The following TFPI variants were observed in gnomAD, a reference collection of about 807,000 sequenced individuals.
TFPI encodes anti-convertin.
In TFPI, 15 loss-of-function variants were observed where a neutral mutation model predicts 34.6. The observed-to-expected ratio is 0.43, with a 90% CI of 0.29 to 0.67. The LOEUF (loss-of-function observed/expected upper bound fraction) is 0.67. Among genes scored for constraint, TFPI ranks in the 30% least tolerant of loss-of-function variants. The probability of loss-of-function intolerance (pLI) is 0.15; values close to 1 mark genes in which losing one functional copy is unlikely to be tolerated. For missense variants in TFPI, 301 were observed against 364.0 expected, an observed-to-expected ratio of 0.83 and a Z score of 1.41; for synonymous variants, 105 against 120.1, an observed-to-expected ratio of 0.87 and a Z score of 0.82.
chr2:187,482,368 C>T (rs1423825346), intron 6 of TFPI, among the ~76,000 whole-genome samples: 1 of 151,786 alleles, frequency 6.6e-6, no homozygotes, highest in Non-Finnish European at 1.5e-5. Flanking sequence ...AAACAAAATA[C>T]GAGTGAAAAA....
chr2:187,516,040 C>G (rs571810872), intron 1 of TFPI: 1 of 152,138 alleles, frequency 6.6e-6, no homozygotes, highest in Non-Finnish European at 1.5e-5. Context: ...GGATACCAAA[C>G]CCCCATTTAT....
intron 6 of TFPI, among the ~76,000 whole-genome samples, chr2:187,471,041 G>C (rs1228467348): frequency 6.6e-6 from 1 of 152,228 alleles, no homozygotes; most frequent in Non-Finnish European, 1.5e-5. Context: ...GCAATATTTC[G>C]ATAGTGCATT....
chr2:187,521,951 A>G (rs1034897509), intron 1 of TFPI, among the ~76,000 whole-genome samples: 1 of 152,108 alleles, frequency 6.6e-6, no homozygotes, highest in Non-Finnish European at 1.5e-5. Flanking sequence ...GCATAAACTG[A>G]TATCTCATTA....
chr2:187,504,761 A>G (rs1001200311), intron 1 of TFPI, among the ~76,000 whole-genome samples: 1 of 152,130 alleles, frequency 6.6e-6, no homozygotes, highest in Non-Finnish European at 1.5e-5. Flanking sequence ...AGATCTTATC[A>G]GCAAACATTC....
intron 4 of TFPI, among the ~76,000 whole-genome samples, chr2:187,485,384 C>T (rs1693188121): frequency 6.6e-6 from 1 of 151,706 alleles, no homozygotes; most frequent in African/African-American, 2.4e-5. Context: ...TTGAGGGTGG[C>T]TTCTCAGGAA....
intron 1 of TFPI, among the ~76,000 whole-genome samples, chr2:187,542,744 G>C (rs1688650038): frequency 6.6e-6 from 1 of 151,770 alleles, no homozygotes; most frequent in African/African-American, 2.4e-5. Flanking sequence ...GCGTGTGCCT[G>C]TAAACCCAGG....
chr2:187,496,017 A>G (rs1253381581), intron 3 of TFPI, among the ~76,000 whole-genome samples: 1 of 152,184 alleles, frequency 6.6e-6, no homozygotes, highest in Non-Finnish European at 1.5e-5. Context: ...CATACAATAA[A>G]GTAATTAGCA....
At chr2:187,550,046 T>G (rs1236012662) in intron 1 of TFPI, among the ~76,000 whole-genome samples, 1 of 152,058 alleles carries the variant, frequency 6.6e-6, no homozygotes, top group Non-Finnish European at 1.5e-5. Flanking sequence ...GGAGGAACTC[T>G]ACAAGAACCC....
In TFPI at chr2:187,554,394, G is replaced by GT. The variant is rs1689198591; in HGVS notation, c.-198dup. The GT allele has an allele frequency of 6.6e-6, 1 of 152,166 alleles. No homozygotes were observed. The allele number at this position is 152,166 out of a possible 1,614,324, so 9.4% of individuals were successfully genotyped here. On this transcript the variant is annotated 5_prime_UTR_variant, in exon 1 of 8. Transcript: ENST00000233156. ...ATCTTACTAGCAGTGAAAGAGCGAG[G>GT]TAAGAATTTGACTATTATCCAGCCT... is the stretch of plus-strand genomic sequence containing the variant.
intron 6 of TFPI, among the ~76,000 whole-genome samples, chr2:187,476,482 A>G (rs1303782625): frequency 6.6e-6 from 1 of 151,962 alleles, no homozygotes; most frequent in Non-Finnish European, 1.5e-5. Context: ...TGGGTCTACG[A>G]TCACAGGCCA....
chr2:187,539,159 C>CTTAA lies in TFPI; in HGVS notation c.-3+15040_-3+15041insTTAA, dbSNP rs566111368. ...AATTGTTCATATGGATTTCAATAAACATTAAGGGGCTGCTACTGTGGACAG... is the reference window on the plus strand; with the variant it reads ...AATTGTTCATATGGATTTCAATAAACTTAAATTAAGGGGCTGCTACTGTGGACAG... On this transcript the variant is annotated intron_variant, in intron 1 of 7. Transcript: ENST00000233156. 9.9e-5 allele frequency among the ~76,000 whole-genome samples: 15 copies of CTTAA among 151,882 alleles called. No individual in the cohort carries two copies. The South Asian group carries it at 1.5e-3, about 15-fold the overall frequency.
chr2:187,551,816 A>C (rs568260676), intron 1 of TFPI, among the ~76,000 whole-genome samples: 2 of 152,120 alleles, frequency 1.3e-5, no homozygotes, highest in African/African-American at 4.8e-5. Context: ...CTTTGACACT[A>C]ATGCATGAAA....
rs113825149 is a variant in TFPI, at chr2:187,540,831, T to A, written c.-3+13369A>T. Among the ~76,000 whole-genome samples the A allele has an allele frequency of 8.8e-3, 1,247 of 142,210 alleles. 13 individuals carry two copies. The highest frequency in any genetic ancestry group is 0.032 in the African/African-American group (1,209 of 37,918). The allele number at this position is 142,210 out of a possible 152,430, so 93.3% of individuals were successfully genotyped here. Reference sequence around the variant, plus strand: ...ATTTGATCCCAGGAGGTGGAGGTTGTAGTGAGCTGAGATTGTGTCACTGCA... The same window carrying A: ...ATTTGATCCCAGGAGGTGGAGGTTGAAGTGAGCTGAGATTGTGTCACTGCA... On this transcript the variant is annotated intron_variant, in intron 1 of 7. Transcript: ENST00000233156.
Position 187,484,667 on chromosome 2 carries a change from T to C in TFPI, c.535+144A>G, listed in dbSNP as rs1693127273. 3 of 649,352 alleles carry C rather than the reference T, an allele frequency of 4.6e-6. No individual in the cohort carries two copies. The East Asian group carries it at 9.9e-5, about 21-fold the overall frequency. 40.2% of individuals were successfully genotyped at this position (649,352 alleles called of 1,614,324 possible). ...TTCTGTGCTTTTTAAAAAACTACAG[T>C]CACAAATCTCACATTGAATGCACAC... On this transcript the variant is annotated intron_variant, in intron 5 of 7. Coordinates refer to ENST00000233156, the MANE Select transcript of TFPI (RefSeq NM_006287.6).
chr2:187,542,222 G>A (rs1688618431), intron 1 of TFPI, among the ~76,000 whole-genome samples: 1 of 151,958 alleles, frequency 6.6e-6, no homozygotes, highest in Non-Finnish European at 1.5e-5. Flanking sequence ...CCAGGCACAG[G>A]TGAAAAGAGT....
chr2:187,516,244 G>A (rs1419448838), intron 1 of TFPI: 1 of 152,110 alleles, frequency 6.6e-6, no homozygotes, highest in Non-Finnish European at 1.5e-5. Context: ...ATTGCTGTTT[G>A]CACATAAATG....
chr2:187,469,155 G>A (rs1051480044), intron 6 of TFPI, among the ~76,000 whole-genome samples: 2 of 151,906 alleles, frequency 1.3e-5, no homozygotes, highest in Admixed American at 6.6e-5. Flanking sequence ...ATTTAAATAA[G>A]GACTAGAGTG....
rs539537165 is a variant in TFPI, at chr2:187,525,619, T to G, written c.-2-21849A>C. On this transcript the variant is annotated intron_variant, in intron 1 of 7. Transcript: ENST00000233156. ...CCCAGTACTTCAGAATTCAACTGTA[T>G]TTGAAAACAAGGCCTCTAAAGAGGT... 2.6e-5 allele frequency among the ~76,000 whole-genome samples: 4 copies of G among 152,222 alleles called. No individual in the cohort carries two copies. The South Asian group carries it at 6.2e-4, about 24-fold the overall frequency.
chr2:187,514,631 A>G (rs1686869210), intron 1 of TFPI: 1 of 152,180 alleles, frequency 6.6e-6, no homozygotes, highest in Non-Finnish European at 1.5e-5. Flanking sequence ...GTGTGGTGGT[A>G]TTGTGGTGGA....
Sources: gnomAD v4.1 joint callset for allele counts (sites outside exome capture counted in the v4.1 genomes callset) on GRCh38, gnomAD v4.1.1 for gene constraint, MANE v1.5 for transcripts, NCBI Gene and HGNC (gene_info 2026-07-23, HGNC 2026-07-21) for gene names.